Variants in SPRR2F observed in about 807,000 individuals in gnomAD.
SPRR2F encodes the protein small proline rich protein 2F, also known as small proline-rich protein 2F.
Under a neutral mutation model 0.8 loss-of-function variants are expected in SPRR2F, and 2 were observed. The ratio of observed to expected loss-of-function variants is 2.52; its 90% CI spans 1.03 to 7.95. The LOEUF (loss-of-function observed/expected upper bound fraction) is 7.95. Ranked by LOEUF, SPRR2F falls within the 30% of genes most tolerant of loss-of-function variation. SPRR2F has a pLI of 0.04. For missense variants in SPRR2F, 80 were observed against 85.8 expected (o/e 0.93, Z 0.27); for synonymous variants, 39 against 33.4 (o/e 1.17, Z -0.58).
chr1:153,118,571 G>A, the SPRR2F span, among the ~76,000 whole-genome samples: 1 of 152,058 alleles, frequency 6.6e-6, no homozygotes, highest in Non-Finnish European at 1.5e-5. Context: ...TATAATGAGA[G>A]TGCTGAAAGG....
chr1:153,112,134 T>A lies in SPRR2F; in HGVS notation c.*381A>T. On this transcript the variant is annotated 3_prime_UTR_variant, in exon 2 of 2. Transcript: ENST00000468739. ...CATTCACAAATATATATGCATAGATTCTTTATTCAGGGAGTGAAAGGAAAG... is the reference window on the plus strand; with the variant it reads ...CATTCACAAATATATATGCATAGATACTTTATTCAGGGAGTGAAAGGAAAG... The A allele has an allele frequency of 3.2e-6, 1 of 313,468 alleles. No homozygotes were observed. The highest frequency in any genetic ancestry group is 5.8e-6 in the Non-Finnish European group (1 of 171,012). The allele number at this position is 313,468 out of a possible 1,614,324, so 19.4% of individuals were successfully genotyped here. A position where few individuals can be genotyped will look rare whatever the true frequency, so the allele number is the denominator to read the frequency against.
upstream of SPRR2F, among the ~76,000 whole-genome samples, chr1:153,116,916 C>T (rs550264402): frequency 2.6e-5 from 4 of 151,894 alleles, no homozygotes; most frequent in African/African-American, 9.7e-5. Context: ...TAGTACCTAC[C>T]ATTAAATTGT....
chr1:153,114,476 C>A (rs366912), upstream of SPRR2F, among the ~76,000 whole-genome samples: 150,109 of 152,282 alleles, frequency 0.99, 73,998 homozygotes, highest in Middle Eastern at 1. Flanking sequence ...CCCTATAGAG[C>A]ACAATCTGCA....
chr1:153,112,413 T>A lies in SPRR2F; in HGVS notation c.*102A>T. The A allele has an allele frequency of 6.6e-7, 1 of 1,520,840 alleles. No individual in the cohort carries two copies. Among genetic ancestry groups the A allele is most frequent in the Middle Eastern group, 2.5e-4 (1 of 4,002 alleles). 94.2% of individuals were successfully genotyped at this position (1,520,840 alleles called of 1,614,324 possible). A position where few individuals can be genotyped will look rare whatever the true frequency, so the allele number is the denominator to read the frequency against. ...AGGCTAAGAGGAAAGAAGCTCCCTG[T>A]GTATCCCTGGATGGCTTTGATGAGA... On this transcript the variant is annotated 3_prime_UTR_variant, in exon 2 of 2. Coordinates refer to ENST00000468739, the MANE Select transcript of SPRR2F (RefSeq NM_001014450.3).
rs558657056 is a variant in SPRR2F, at chr1:153,112,677, G to A, written c.57C>T (p.Pro19=). ...KQPCQPPPVC[P]APKCPEPCPP... is the part of the protein sequence containing the mutation. Reference sequence around the variant, plus strand: ...GACATGGCTCTGGGCACTTTGGCGCGGGGCACACAGGAGGTGGCTGGCAGG... The same window carrying A: ...GACATGGCTCTGGGCACTTTGGCGCAGGGCACACAGGAGGTGGCTGGCAGG... The change falls in exon 2 of 2, where the codon CCC becomes CCT. Residue 19 remains proline, a synonymous_variant. Coordinates refer to ENST00000468739, the MANE Select transcript of SPRR2F (RefSeq NM_001014450.3). 9.7e-5 allele frequency: 156 copies of A among 1,612,292 alleles called. No homozygotes were observed. Among genetic ancestry groups the A allele is most frequent in the African/African-American group, 6.1e-4 (46 of 74,932 alleles).
At chr1:153,117,501 T>C (rs1655740905), upstream of SPRR2F, among the ~76,000 whole-genome samples, 1 of 152,044 alleles carries the variant, frequency 6.6e-6, no homozygotes, top group African/African-American at 2.4e-5. Context: ...CAATAAAAAA[T>C]TCTCTCACTT....
At chr1:153,114,166 A>G (rs114857816), upstream of SPRR2F, among the ~76,000 whole-genome samples, 6,508 of 150,918 alleles carry the variant, frequency 0.043, 464 homozygotes, top group African/African-American at 0.15. Flanking sequence ...TTTCTCCTCC[A>G]CTTCTATCTT....
At chr1:153,115,116 G>A (rs930522699), upstream of SPRR2F, among the ~76,000 whole-genome samples, 1 of 152,128 alleles carries the variant, frequency 6.6e-6, no homozygotes, top group East Asian at 1.9e-4. Flanking sequence ...CGTCAATAAG[G>A]AAGGGCTTTG....
rs1201715607 is a variant in SPRR2F at position 153,113,169 on chromosome 1, G to C, written c.-20+305C>G. Among the ~76,000 whole-genome samples, 4 of 152,116 alleles carry C rather than the reference G, an allele frequency of 2.6e-5. No homozygotes were observed. In the East Asian group the frequency reaches 7.7e-4, roughly 29 times the overall value. On this transcript the variant is annotated intron_variant, in intron 1 of 1. Transcript: ENST00000468739. The stretch of plus-strand genomic sequence containing the variant: ...GGAAGAATTGCATGCTCTCACACCT[G>C]CTACGACATAAACCTTTGAAAAGGA...
upstream of SPRR2F, among the ~76,000 whole-genome samples, chr1:153,116,190 A>G (rs1655719726): frequency 6.6e-6 from 1 of 152,212 alleles, no homozygotes; most frequent in Admixed American, 6.5e-5. Context: ...CAGATAAATT[A>G]TGGGACATTA....
chr1:153,113,436 G>A (rs1482844347), intron 1 of SPRR2F, 38 bp downstream of exon 1: 2 of 152,918 alleles, frequency 1.3e-5, no homozygotes, highest in East Asian at 3.9e-4. Flanking sequence ...AACATTTCAG[G>A]GCACAAAGAA....
chr1:153,116,935 A>G (rs1655731724), upstream of SPRR2F, among the ~76,000 whole-genome samples: 1 of 152,136 alleles, frequency 6.6e-6, no homozygotes, highest in Non-Finnish European at 1.5e-5. Flanking sequence ...GTCAAAAGAA[A>G]AAAATTAAAT....
chr1:153,112,319 G>T lies in SPRR2F; in HGVS notation c.*196C>A. 3.8e-6 allele frequency: 4 copies of T among 1,049,322 alleles called. No homozygotes were observed. Among genetic ancestry groups the T allele is most frequent in the Non-Finnish European group, 5.4e-6 (4 of 738,826 alleles). 65.0% of individuals were successfully genotyped at this position (1,049,322 alleles called of 1,614,324 possible). ...GACTTCCTTTGCTCAGTCTCCACCT[G>T]GACAGTGGCAGTATGGCAGCCTCAA... On this transcript the variant is annotated 3_prime_UTR_variant, in exon 2 of 2. Coordinates refer to ENST00000468739, the MANE Select transcript of SPRR2F (RefSeq NM_001014450.3).
chr1:153,114,469 T>C (rs574393059), upstream of SPRR2F, among the ~76,000 whole-genome samples: 1 of 152,282 alleles, frequency 6.6e-6, no homozygotes, highest in African/African-American at 2.4e-5. Flanking sequence ...GAAACCACCC[T>C]ATAGAGCACA....
the SPRR2F span, among the ~76,000 whole-genome samples, chr1:153,119,113 A>G: frequency 1.3e-5 from 2 of 152,228 alleles, no homozygotes; most frequent in African/African-American, 4.8e-5. Context: ...AAAAGGAAAA[A>G]TAAACACAAT....
chr1:153,114,864 T>C (rs1655689397), upstream of SPRR2F, among the ~76,000 whole-genome samples: 1 of 152,206 alleles, frequency 6.6e-6, no homozygotes, highest in Non-Finnish European at 1.5e-5. Flanking sequence ...TTACTAAACA[T>C]GGTATATTAA....
chr1:153,112,270 G>A lies in SPRR2F; in HGVS notation c.*245C>T. 3.3e-6 allele frequency: 2 copies of A among 604,402 alleles called. No individual in the cohort carries two copies. Among genetic ancestry groups the A allele is most frequent in the East Asian group, 6.0e-5 (2 of 33,384 alleles). The allele number at this position is 604,402 out of a possible 1,614,324, so 37.4% of individuals were successfully genotyped here. ...GGAGAGAGCTGCTCTTTCTTCTGAA[G>A]CTCTGGGAGCTGGCACAGCCCAGGA... On this transcript the variant is annotated 3_prime_UTR_variant, in exon 2 of 2. Transcript: ENST00000468739.
chr1:153,117,118 A>G (rs566443014), upstream of SPRR2F, among the ~76,000 whole-genome samples: 1 of 152,212 alleles, frequency 6.6e-6, no homozygotes, highest in Admixed American at 6.5e-5. Context: ...ATTTTATATC[A>G]TATTTCTTTT....
the SPRR2F span, among the ~76,000 whole-genome samples, chr1:153,119,082 A>G: frequency 6.6e-6 from 1 of 152,354 alleles, no homozygotes; most frequent in East Asian, 1.9e-4. Flanking sequence ...ACCCCAAAAT[A>G]AATATCTATA....
Sources: gnomAD v4.1 joint callset for allele counts (sites outside exome capture counted in the v4.1 genomes callset) on GRCh38, gnomAD v4.1.1 for gene constraint, MANE v1.5 for transcripts, NCBI Gene and HGNC (gene_info 2026-07-23, HGNC 2026-07-21) for gene names.